The following TNS1 variants were observed in gnomAD, a reference collection of about 807,000 sequenced individuals.
TNS1 encodes the protein tensin-1.
In TNS1, 62 loss-of-function variants were observed where a neutral mutation model predicts 168.6. The observed-to-expected ratio is 0.37, with a 90% CI of 0.30 to 0.45. The LOEUF (loss-of-function observed/expected upper bound fraction) is 0.45, where lower values mean the gene tolerates loss of function less well. Among genes scored for constraint, TNS1 ranks in the 20% least tolerant of loss-of-function variants. The pLI is 1.00. For missense variants in TNS1, 2,240 were observed against 2,339.4 expected (o/e 0.96, Z 0.88); for synonymous variants, 934 against 933.2 (o/e 1.00, Z -0.02).
Position 217,809,874 on chromosome 2 carries a change from A to G in TNS1, c.5222T>C (p.Val1741Ala), listed in dbSNP as rs747912694. ...TCCCTGGGCAGAGACTTTGAAGTGAACGATGGTGGCAGCTGGCGTGGGGTC... is the reference window on the plus strand; with the variant it reads ...TCCCTGGGCAGAGACTTTGAAGTGAGCGATGGTGGCAGCTGGCGTGGGGTC... ...AADPTPAATI[V>A]HFKVSAQGIT... is the part of the protein sequence containing the mutation. Residue 1741 changes from valine to alanine, a missense_variant, in exon 30 of 33, where the codon GTT becomes GCT. Physicochemically the swap from Val to Ala is moderately conservative, Grantham distance 64. Coordinates refer to ENST00000682258, the MANE Select transcript of TNS1 (RefSeq NM_001387777.1). The G allele has an allele frequency of 1.2e-6, 2 of 1,614,040 alleles. No homozygotes were observed. Among genetic ancestry groups the G allele is most frequent in the Non-Finnish European group, 1.7e-6 (2 of 1,179,996 alleles).
intron 3 of TNS1, among the ~76,000 whole-genome samples, chr2:217,933,525 A>G (rs60058840): frequency 0.022 from 3,337 of 152,230 alleles, 131 homozygotes; most frequent in African/African-American, 0.074. Flanking sequence ...ACTGGCAGGG[A>G]CACTCTGCAT....
At chr2:218,024,794 C>T (rs1203638591) in intron 1 of TNS1, among the ~76,000 whole-genome samples, 2 of 152,136 alleles carry the variant, frequency 1.3e-5, no homozygotes, top group Non-Finnish European at 2.9e-5. Context: ...TTCCTGAATG[C>T]CCCTATCCAG....
At chr2:217,956,585 T>C (rs369517746) in intron 3 of TNS1, among the ~76,000 whole-genome samples, 79 of 151,996 alleles carry the variant, frequency 5.2e-4, no homozygotes, top group Non-Finnish European at 1.1e-3. Context: ...AGTCTCTTTC[T>C]CCCCCTGTAA....
chr2:217,957,104 G>A lies in TNS1; in HGVS notation c.186+21661C>T, dbSNP rs767657370. Among the ~76,000 whole-genome samples the A allele has an allele frequency of 2.3e-4, 35 of 152,308 alleles. 1 individual carries two copies. Among genetic ancestry groups the A allele is most frequent in the East Asian group, 9.7e-4 (5 of 5,170 alleles). Reference sequence around the variant, plus strand: ...ACGGTATGGAGCGCAGCTGGAAGACGGGGTGTGTTCCCACGAGGCCACCCC... The same window carrying A: ...ACGGTATGGAGCGCAGCTGGAAGACAGGGTGTGTTCCCACGAGGCCACCCC... On this transcript the variant is annotated intron_variant, in intron 3 of 32. Transcript: ENST00000682258.
At chr2:218,012,594 A>T (rs1958715556), upstream of TNS1, among the ~76,000 whole-genome samples, 1 of 152,138 alleles carries the variant, frequency 6.6e-6, no homozygotes, top group South Asian at 2.1e-4. Context: ...CAGGCCTGCC[A>T]CTGCCTGGAG....
At chr2:217,938,573 A>T (rs1956751962) in intron 3 of TNS1, among the ~76,000 whole-genome samples, 1 of 152,232 alleles carries the variant, frequency 6.6e-6, no homozygotes, top group Non-Finnish European at 1.5e-5. Flanking sequence ...TGAAGCAGTT[A>T]TTTGGGGATC....
chr2:217,897,605 C>T (rs1952455364), intron 8 of TNS1, among the ~76,000 whole-genome samples, 193 bp downstream of exon 8: 2 of 152,148 alleles, frequency 1.3e-5, no homozygotes. Flanking sequence ...CAGCACACTC[C>T]TTAGAGGAGA....
At chr2:217,938,862 G>A (rs1486630300) in intron 3 of TNS1, among the ~76,000 whole-genome samples, 5 of 152,188 alleles carry the variant, frequency 3.3e-5, no homozygotes, top group Non-Finnish European at 7.3e-5. Context: ...CTCCCTGTCT[G>A]CCCTCTAATT....
At chr2:217,913,162 GA>G (rs1249143629) in intron 4 of TNS1, among the ~76,000 whole-genome samples, 1 of 152,178 alleles carries the variant, frequency 6.6e-6, no homozygotes, top group Non-Finnish European at 1.5e-5. Context: ...CTGGGACCCT[GA>G]AGTATATCTG....
At chr2:217,872,293 C>A (rs184253964) in intron 18 of TNS1, among the ~76,000 whole-genome samples, 1 of 152,092 alleles carries the variant, frequency 6.6e-6, no homozygotes, top group African/African-American at 2.4e-5. Context: ...GAGAATATAT[C>A]GGCAAATTAT....
chr2:217,942,407 C>T (rs1312684721), intron 3 of TNS1, among the ~76,000 whole-genome samples: 1 of 152,200 alleles, frequency 6.6e-6, no homozygotes, highest in East Asian at 1.9e-4. Flanking sequence ...CGGGTCTCTC[C>T]CCCCAACCTC....
rs1217182612 is a variant in TNS1, at chr2:217,848,154, G to A, written c.2363C>T (p.Pro788Leu). The A allele has an allele frequency of 8.1e-6, 13 of 1,601,888 alleles. No homozygotes were observed. Among genetic ancestry groups the A allele is most frequent in the South Asian group, 2.3e-5 (2 of 88,564 alleles). The change falls in exon 19 of 33, where the codon CCT becomes CTT. Residue 788 changes from proline to leucine, a missense_variant. Pro to Leu is a moderately conservative substitution (Grantham distance 98). Coordinates refer to ENST00000682258, the MANE Select transcript of TNS1 (RefSeq NM_001387777.1). ...QQQQQQQPRP[P>L]PRQQERAHLE... ...GTGGGCTCTTTCCTGCTGGCGTGGA[G>A]GTGGGCGAGGCTGCTGCTGCTGCTG...
At chr2:218,014,804 A>G (rs1958740636), upstream of TNS1, among the ~76,000 whole-genome samples, 1 of 151,590 alleles carries the variant, frequency 6.6e-6, no homozygotes, top group Admixed American at 6.6e-5. Context: ...CTAGCATGGT[A>G]CCTGCAGGTG....
At chr2:217,851,193 A>C (rs370788547) in intron 18 of TNS1, among the ~76,000 whole-genome samples, 15 of 151,612 alleles carry the variant, frequency 9.9e-5, no homozygotes, top group African/African-American at 3.6e-4. Context: ...CCAAATAAAT[A>C]CTTAAAGCCA....
At chr2:217,955,264 A>G (rs1339905409) in intron 3 of TNS1, among the ~76,000 whole-genome samples, 1 of 152,134 alleles carries the variant, frequency 6.6e-6, no homozygotes, top group African/African-American at 2.4e-5. Flanking sequence ...CACCACCAAC[A>G]CAGGTGCCCT....
In TNS1 at chr2:217,892,291, G is replaced by A. The variant is rs144355657; in HGVS notation, c.782+657C>T. On this transcript the variant is annotated intron_variant, in intron 11 of 32. Transcript: ENST00000682258. The stretch of plus-strand genomic sequence containing the variant: ...TAATTTTTGTATTTTTAGTAGAGAC[G>A]GAGTTTCACCATGTTGGCCAGGCTG... Among the ~76,000 whole-genome samples the A allele has an allele frequency of 5.0e-3, 766 of 152,214 alleles. 8 individuals carry two copies. Among genetic ancestry groups the A allele is most frequent in the African/African-American group, 0.018 (732 of 41,542 alleles).
intron 19 of TNS1, among the ~76,000 whole-genome samples, chr2:217,837,091 C>G (rs1437291915): frequency 1.3e-5 from 2 of 152,136 alleles, no homozygotes; most frequent in African/African-American, 2.4e-5. Context: ...GTCCCAGAGG[C>G]CAAGACCCAG....
At chr2:217,879,351 A>G (rs1459621422) in intron 18 of TNS1, 11 of 415,772 alleles carry the variant, frequency 2.6e-5, no homozygotes, top group Non-Finnish European at 4.3e-5. Flanking sequence ...ACAACGACCA[A>G]TTAGGCTGGC....
rs143900673 is a variant in TNS1 at position 217,847,216 on chromosome 2, G to A, written c.3007+294C>T. On this transcript the variant is annotated intron_variant, in intron 19 of 32. Coordinates refer to ENST00000682258, the MANE Select transcript of TNS1 (RefSeq NM_001387777.1). Reference sequence around the variant, plus strand: ...GGATCTTGGTCCCACCTCTGTCACCGTACACATTACTCTCTAATGAAATCA... The same window carrying A: ...GGATCTTGGTCCCACCTCTGTCACCATACACATTACTCTCTAATGAAATCA... Among the ~76,000 whole-genome samples the A allele has an allele frequency of 1.3e-3, 196 of 152,294 alleles. 1 individual carries two copies. The highest frequency in any genetic ancestry group is 5.6e-3 in the South Asian group (27 of 4,822).
Sources: allele counts gnomAD v4.1 joint callset (sites outside exome capture counted in the v4.1 genomes callset), GRCh38; gene constraint gnomAD v4.1.1; transcripts MANE v1.5; gene names NCBI Gene and HGNC (gene_info 2026-07-23, HGNC 2026-07-21).